Variants in PPP2R2C observed in about 807,000 individuals in gnomAD.
The protein encoded by PPP2R2C is protein phosphatase 2 regulatory subunit Bgamma.
A neutral mutation model predicts 45.3 loss-of-function variants in PPP2R2C; 10 were observed. The observed-to-expected ratio is 0.22, with a 90% confidence interval of 0.14 to 0.37. The LOEUF is 0.37. Among genes scored for constraint, PPP2R2C ranks in the 10% least tolerant of loss-of-function variants. PPP2R2C has a pLI of 1.00. For synonymous variants in PPP2R2C, 257 were observed against 245.4 expected (o/e 1.05, Z -0.44); for missense variants, 308 against 619.7 (o/e 0.50, Z 5.34).
chr4:6,342,081 TAC>T (rs58305750), intron 6 of PPP2R2C, among the ~76,000 whole-genome samples: 12,603 of 139,492 alleles, frequency 0.09, 629 homozygotes, highest in South Asian at 0.14. Flanking sequence ...TCTGCCACGA[TAC>T]ACACACACAC....
chr4:6,414,046 A>G (rs1454482355), intron 1 of PPP2R2C: 2 of 1,478,874 alleles, frequency 1.4e-6, no homozygotes, highest in African/African-American at 2.8e-5. Flanking sequence ...AGAATTATGC[A>G]TGGGACAGTA....
At chr4:6,427,931 C>T (rs937247235) in intron 1 of PPP2R2C, among the ~76,000 whole-genome samples, 1 of 152,172 alleles carries the variant, frequency 6.6e-6, no homozygotes, top group African/African-American at 2.4e-5. Context: ...CTCAGTTGAT[C>T]CCCTAACAGC....
chr4:6,383,366 C>T (rs201900631), intron 1 of PPP2R2C: 101 of 1,289,598 alleles, frequency 7.8e-5, no homozygotes, highest in African/African-American at 1.1e-4. Context: ...GTTGTATGCA[C>T]GGGGTCTCGT....
intron 1 of PPP2R2C, among the ~76,000 whole-genome samples, chr4:6,460,082 T>C (rs1007351361): frequency 9.2e-5 from 14 of 152,180 alleles, no homozygotes; most frequent in African/African-American, 3.4e-4. Flanking sequence ...CATGGAACTC[T>C]TTAAAATACA....
At chr4:6,340,131 C>CTGCCCAGCACCATGTG (rs1733333232) in intron 6 of PPP2R2C, among the ~76,000 whole-genome samples, 1 of 152,152 alleles carries the variant, frequency 6.6e-6, no homozygotes, top group African/African-American at 2.4e-5. Flanking sequence ...TTGTCACTCC[C>CTGCCCAGCACCATGTG]TGCCCAGCAC....
intron 2 of PPP2R2C, among the ~76,000 whole-genome samples, chr4:6,493,167 G>A (rs987486161): frequency 6.6e-6 from 1 of 152,044 alleles, no homozygotes; most frequent in Non-Finnish European, 1.5e-5. Flanking sequence ...AGGCCAACCA[G>A]GTTCCCCCTA....
In PPP2R2C at chr4:6,426,304, C is replaced by T. The variant is rs9997690; in HGVS notation, c.71-45210G>A. 2.1e-3 allele frequency among the ~76,000 whole-genome samples: 320 copies of T among 152,240 alleles called. 2 individuals are homozygous for T. The highest frequency in any genetic ancestry group is 2.4e-3 in the Non-Finnish European group (160 of 68,032). ...GGCCTTGCAGTCCAGCTCCCTTCTACGATCAGCTGCTGAAAATCCCAGTGG... is the reference window on the plus strand; with the variant it reads ...GGCCTTGCAGTCCAGCTCCCTTCTATGATCAGCTGCTGAAAATCCCAGTGG... On this transcript the variant is annotated intron_variant, in intron 1 of 8. Transcript: ENST00000382599.
intron 2 of PPP2R2C, among the ~76,000 whole-genome samples, chr4:6,496,920 G>T (rs1722898814): frequency 6.6e-6 from 1 of 150,600 alleles, no homozygotes; most frequent in Admixed American, 6.6e-5. Flanking sequence ...TGGACACAGG[G>T]AGTGTGACGA....
Position 6,345,349 on chromosome 4 carries a change from C to T in PPP2R2C, c.790+2497G>A, listed in dbSNP as rs897802784. On this transcript the variant is annotated intron_variant, in intron 6 of 8. Coordinates refer to ENST00000382599, the MANE Select transcript of PPP2R2C (RefSeq NM_020416.4). This position sits in a 1 kb window ranked among gnomAD's most constrained non-coding sequence, Gnocchi z 5.3. ...GTCCTGTAGTAGGCGGTGGAACGGC[C>T]CCCAGAGACGGCTGCGTCCTGATCC... Among the ~76,000 whole-genome samples the T allele has an allele frequency of 6.6e-6, 1 of 152,126 alleles. No individual in the cohort carries two copies. Among genetic ancestry groups the T allele is most frequent in the Non-Finnish European group, 1.5e-5 (1 of 68,036 alleles).
intron 1 of PPP2R2C, among the ~76,000 whole-genome samples, chr4:6,539,662 A>G (rs1724743753): frequency 6.6e-6 from 1 of 152,228 alleles, no homozygotes; most frequent in African/African-American, 2.4e-5. Context: ...CCTGCCGACC[A>G]GGCAGTGGTC....
chr4:6,428,682 A>G (rs1273500587), intron 1 of PPP2R2C, among the ~76,000 whole-genome samples: 6 of 152,236 alleles, frequency 3.9e-5, no homozygotes, highest in South Asian at 2.1e-4. Flanking sequence ...CATCACTGAC[A>G]CTGCAAATGC....
intron 1 of PPP2R2C, among the ~76,000 whole-genome samples, chr4:6,460,056 T>G (rs1721246342): frequency 6.6e-6 from 1 of 152,156 alleles, no homozygotes; most frequent in South Asian, 2.1e-4. Context: ...CAACCATAAC[T>G]TCTGATACCC....
intron 1 of PPP2R2C, among the ~76,000 whole-genome samples, chr4:6,558,167 C>T (rs369098615): frequency 2.6e-5 from 4 of 152,310 alleles, no homozygotes; most frequent in South Asian, 2.1e-4. Context: ...ATCCCAACAC[C>T]GAGTGAGCGC....
chr4:6,421,042 T>G (rs1200964860), intron 1 of PPP2R2C: 1 of 984,972 alleles, frequency 1.0e-6, no homozygotes, highest in African/African-American at 1.7e-5. Context: ...GTGCTTTGTG[T>G]GCACCCTTCT....
chr4:6,534,749 C>T (rs6446511), intron 2 of PPP2R2C, among the ~76,000 whole-genome samples: 59,141 of 151,946 alleles, frequency 0.39, 12,166 homozygotes, highest in African/African-American at 0.52. Context: ...GACAACCCCG[C>T]CTCCGCATGG....
chr4:6,472,020 TG>T, intron 1 of PPP2R2C, 139 bp downstream of exon 1: 1 of 804,608 alleles, frequency 1.2e-6, no homozygotes, highest in Non-Finnish European at 1.7e-6. Flanking sequence ...TGGGGTGGGG[TG>T]GGGTGGGATG....
chr4:6,532,789 GC>G (rs1373128520), intron 2 of PPP2R2C, among the ~76,000 whole-genome samples: 4 of 152,134 alleles, frequency 2.6e-5, no homozygotes, highest in Non-Finnish European at 5.9e-5. Flanking sequence ...CACCCACATG[GC>G]CCCCGGTCCC....
intron 2 of PPP2R2C, among the ~76,000 whole-genome samples, chr4:6,493,712 G>A (rs1320680908): frequency 6.6e-6 from 1 of 152,062 alleles, no homozygotes; most frequent in East Asian, 1.9e-4. Context: ...GGCAGACACG[G>A]AGGGGTGGAC....
intron 1 of PPP2R2C, among the ~76,000 whole-genome samples, chr4:6,419,040 C>T (rs1718790379): frequency 6.6e-6 from 1 of 152,198 alleles, no homozygotes; most frequent in Non-Finnish European, 1.5e-5. Context: ...GGTGAGGGTT[C>T]CCCTAGGGCA....
Sources: gnomAD v4.1 joint callset for allele counts (sites outside exome capture counted in the v4.1 genomes callset) on GRCh38, gnomAD v4.1.1 for gene constraint, Gnocchi (gnomAD v3.1) non-coding constraint, MANE v1.5 for transcripts, NCBI Gene and HGNC (gene_info 2026-07-23, HGNC 2026-07-21) for gene names.